SNX9: variants seen among roughly 807,000 people sequenced by gnomAD.
SNX9 encodes sorting nexin 9, also known as sorting nexin-9.
SNX9 carries 44 observed loss-of-function variants against 89.4 expected under a neutral mutation model. That is an observed-to-expected ratio of 0.49 (90% CI 0.39 to 0.63). The LOEUF (loss-of-function observed/expected upper bound fraction) is 0.63. SNX9 is among the 30% of genes least tolerant of loss of function. The pLI is 0.00. For synonymous variants in SNX9, 236 were observed against 247.8 expected, an observed-to-expected ratio of 0.95 and a Z score of 0.45; for missense variants, 578 against 736.1, an observed-to-expected ratio of 0.79 and a Z score of 2.49.
intron 1 of SNX9, among the ~76,000 whole-genome samples, chr6:157,858,201 C>A (rs1782049960): frequency 6.6e-6 from 1 of 152,024 alleles, no homozygotes; most frequent in Non-Finnish European, 1.5e-5. Context: ...TTCTGTTGGC[C>A]AGAGTAAGCA....
chr6:157,889,989 A>G (rs565049655), intron 4 of SNX9, among the ~76,000 whole-genome samples: 3 of 152,340 alleles, frequency 2.0e-5, no homozygotes, highest in African/African-American at 7.2e-5. Context: ...AAGAGAGCTA[A>G]GTAAATTACC....
rs1783916831 is a variant in SNX9 at position 157,936,022 on chromosome 6, C to A, written c.1425C>A (p.Ala475=). The part of the protein sequence containing the change: ...TEAGKTYEEI[A]SLVAEQPKKD... Reference sequence around the variant, plus strand: ...CAGGAAAGACTTATGAAGAAATTGCCAGTCTCGTGGCAGAACAGGTACTAA... The same window carrying A: ...CAGGAAAGACTTATGAAGAAATTGCAAGTCTCGTGGCAGAACAGGTACTAA... The change falls in exon 14 of 18, where the codon GCC becomes GCA. Residue 475 remains alanine, a synonymous_variant. Coordinates refer to ENST00000392185, the MANE Select transcript of SNX9 (RefSeq NM_016224.5). 6.2e-7 allele frequency: 1 copy of A among 1,612,036 alleles called. No individual in the cohort carries two copies. Among genetic ancestry groups the A allele is most frequent in the Non-Finnish European group, 8.5e-7 (1 of 1,179,012 alleles).
At chr6:157,890,544 A>G (rs1782836347) in intron 4 of SNX9, among the ~76,000 whole-genome samples, 1 of 152,228 alleles carries the variant, frequency 6.6e-6, no homozygotes, top group African/African-American at 2.4e-5. Flanking sequence ...GGAGTTAGGA[A>G]GAGAGTCGGA....
At chr6:157,826,160 AT>A (rs1781339974) in intron 1 of SNX9, among the ~76,000 whole-genome samples, 1 of 152,192 alleles carries the variant, frequency 6.6e-6, no homozygotes, top group Non-Finnish European at 1.5e-5. Context: ...AAAGGAAATT[AT>A]CTTTTAGAAG....
At chr6:157,838,534 G>A (rs543723277) in intron 1 of SNX9, among the ~76,000 whole-genome samples, 25 of 152,188 alleles carry the variant, frequency 1.6e-4, no homozygotes, top group African/African-American at 5.5e-4. Flanking sequence ...CCTCTGACCT[G>A]TTTCCCTCCA....
At chr6:157,888,750 G>A (rs114025140) in intron 4 of SNX9, among the ~76,000 whole-genome samples, 5 of 152,280 alleles carry the variant, frequency 3.3e-5, no homozygotes, top group African/African-American at 1.2e-4. Context: ...ATTATGTCAG[G>A]TAAAGTATCT....
intron 9 of SNX9, among the ~76,000 whole-genome samples, chr6:157,917,748 A>G (rs906076061): frequency 6.6e-6 from 1 of 152,148 alleles, no homozygotes; most frequent in African/African-American, 2.4e-5. Context: ...TGCTATGTAA[A>G]TCATTGTTAT....
intron 9 of SNX9, among the ~76,000 whole-genome samples, chr6:157,918,788 T>C (rs996712767): frequency 6.6e-6 from 1 of 152,138 alleles, no homozygotes; most frequent in East Asian, 1.9e-4. Context: ...GGATATAATA[T>C]GCATCTTTTT....
intron 6 of SNX9, among the ~76,000 whole-genome samples, chr6:157,903,533 G>T (rs548291200): frequency 1.3e-5 from 2 of 152,232 alleles, no homozygotes; most frequent in African/African-American, 4.8e-5. Context: ...GTCATGGTCA[G>T]TAGTGATGTG....
intron 1 of SNX9, among the ~76,000 whole-genome samples, chr6:157,838,340 GTC>G (rs1244626049): frequency 6.6e-6 from 1 of 151,412 alleles, no homozygotes; most frequent in Non-Finnish European, 1.5e-5. Context: ...TTATTCAACA[GTC>G]TCTCTCTAGA....
chr6:157,866,686 G>A (rs1328828708), intron 1 of SNX9, among the ~76,000 whole-genome samples: 1 of 152,234 alleles, frequency 6.6e-6, no homozygotes, highest in Non-Finnish European at 1.5e-5. Flanking sequence ...TGGTGGAAGA[G>A]TACCCAAATC....
At chr6:157,918,339 T>C (rs1395004053) in intron 9 of SNX9, among the ~76,000 whole-genome samples, 2 of 152,186 alleles carry the variant, frequency 1.3e-5, no homozygotes, top group Admixed American at 1.3e-4. Context: ...TAGTGACCTC[T>C]TATATCATGA....
chr6:157,869,150 C>T (rs1222057538), intron 2 of SNX9, among the ~76,000 whole-genome samples: 1 of 152,250 alleles, frequency 6.6e-6, no homozygotes, highest in African/African-American at 2.4e-5. Context: ...GGATCCCACA[C>T]ACCTCTCCCC....
chr6:157,872,722 T>A (rs559374867), intron 2 of SNX9: 1 of 157,554 alleles, frequency 6.3e-6, no homozygotes, highest in Admixed American at 6.4e-5. Context: ...TCCACTTGAT[T>A]CTGTTGACCA....
rs186171722 is a variant in SNX9 at position 157,839,976 on chromosome 6, A to T, written c.12+16530A>T. ...TCCTCTCCGGTTGTTTCATGGTTTC[A>T]CTAGGGTTCTGAAAGCAGGTGAAAA... On this transcript the variant is annotated intron_variant, in intron 1 of 17. Coordinates refer to ENST00000392185, the MANE Select transcript of SNX9 (RefSeq NM_016224.5). Among the ~76,000 whole-genome samples the T allele has an allele frequency of 2.6e-5, 4 of 152,238 alleles. No homozygotes were observed. In the East Asian group the frequency reaches 5.8e-4, roughly 22 times the overall value.
At chr6:157,856,760 A>G (rs1282096372) in intron 1 of SNX9, among the ~76,000 whole-genome samples, 2 of 151,974 alleles carry the variant, frequency 1.3e-5, no homozygotes, top group Non-Finnish European at 2.9e-5. Context: ...ATAGTTTAAT[A>G]TATTCTTTTG....
intron 1 of SNX9, among the ~76,000 whole-genome samples, chr6:157,833,500 GA>G (rs1712715934): frequency 6.6e-6 from 1 of 152,076 alleles, no homozygotes; most frequent in African/African-American, 2.4e-5. Context: ...GGTACTTAAG[GA>G]AATTTTCTTC....
intron 4 of SNX9, among the ~76,000 whole-genome samples, chr6:157,884,338 A>G (rs968065220): frequency 6.6e-6 from 1 of 152,204 alleles, no homozygotes; most frequent in Non-Finnish European, 1.5e-5. Context: ...GGCAATGGTA[A>G]TTTTATGTTG....
chr6:157,875,593 C>G (rs924360346), intron 4 of SNX9, among the ~76,000 whole-genome samples: 5 of 152,184 alleles, frequency 3.3e-5, no homozygotes, highest in African/African-American at 1.2e-4. Flanking sequence ...ACTCTCAGAG[C>G]TAGAGGCCCT....
Sources: gnomAD v4.1 joint callset for allele counts (sites outside exome capture counted in the v4.1 genomes callset) on GRCh38, gnomAD v4.1.1 for gene constraint, MANE v1.5 for transcripts, NCBI Gene and HGNC (gene_info 2026-07-23, HGNC 2026-07-21) for gene names.